TRERF1: variants seen among roughly 807,000 people sequenced by gnomAD.
TRERF1 encodes transcriptional-regulating factor 1.
A neutral mutation model predicts 122.9 loss-of-function variants in TRERF1; 27 were observed. That is an observed-to-expected ratio of 0.22 (90% CI 0.16 to 0.30). The LOEUF is 0.30. Ranked by LOEUF, TRERF1 falls within the 10% of genes least tolerant of loss-of-function variation. TRERF1 has a pLI of 1.00. For synonymous variants in TRERF1, 636 were observed against 641.7 expected, an observed-to-expected ratio of 0.99 and a Z score of 0.13; for missense variants, 1,248 against 1,560.3, an observed-to-expected ratio of 0.80 and a Z score of 3.37.
intron 2 of TRERF1, among the ~76,000 whole-genome samples, chr6:42,420,837 A>C (rs1175126401): frequency 6.6e-6 from 1 of 151,942 alleles, no homozygotes; most frequent in Non-Finnish European, 1.5e-5. Context: ...CCAATCTCCC[A>C]CTGAGGTAGA....
intron 2 of TRERF1, among the ~76,000 whole-genome samples, chr6:42,394,285 T>C (rs1343592492): frequency 6.6e-6 from 1 of 151,742 alleles, no homozygotes; most frequent in Non-Finnish European, 1.5e-5. Context: ...CTCCATACCA[T>C]CCCCGTGCCT....
chr6:42,360,770 T>TAAAAAAAAAAAAAAAA lies in TRERF1; in HGVS notation c.-371+2226_-371+2227insTTTTTTTTTTTTTTTT, dbSNP rs1491517636. Among the ~76,000 whole-genome samples the TAAAAAAAAAAAAAAAA allele has an allele frequency of 1.1e-4, 7 of 64,046 alleles. 1 individual carries two copies. The highest frequency in any genetic ancestry group is 3.2e-4 in the African/African-American group (7 of 21,586). 42.0% of individuals were successfully genotyped at this position (64,046 alleles called of 152,430 possible). A position where few individuals can be genotyped will look rare whatever the true frequency, so the allele number is the denominator to read the frequency against. ...ACCCAGGGAGGAAGGAGTGGAGAGA[T>TAAAAAAAAAAAAAAAA]TAAAAAAAAAAAAAAAAAAAAAAAA... On this transcript the variant is annotated intron_variant, in intron 3 of 17. Coordinates refer to ENST00000372922, the Ensembl canonical transcript of TRERF1.
In TRERF1 at chr6:42,421,493, G is replaced by A. The variant is rs528983559; in HGVS notation, c.-454+29684C>T. Among the ~76,000 whole-genome samples, 5 of 151,890 alleles carry A rather than the reference G, an allele frequency of 3.3e-5. No individual in the cohort carries two copies. The South Asian group carries it at 1.0e-3, about 32-fold the overall frequency. ...TCCTTTTTAAAAACTGCTGGTCTTG[G>A]CTGGGCACAGTGGCTCACTCCTGTA... On this transcript the variant is annotated intron_variant, in intron 2 of 17. Coordinates refer to ENST00000372922, the Ensembl canonical transcript of TRERF1.
chr6:42,413,387 G>A (rs182279767), intron 2 of TRERF1, among the ~76,000 whole-genome samples: 110 of 150,522 alleles, frequency 7.3e-4, no homozygotes, highest in Non-Finnish European at 1.5e-3. Context: ...GGTTAGAAAC[G>A]CATCTGGGGC....
At position 42,259,239 on chromosome 6, in the gene TRERF1, C is replaced by A; in HGVS notation, c.2269+100G>T. 1 of 1,420,880 alleles carries A rather than the reference C, an allele frequency of 7.0e-7. No individual in the cohort carries two copies. The highest frequency in any genetic ancestry group is 9.2e-7 in the Non-Finnish European group (1 of 1,089,480). 88.0% of individuals were successfully genotyped at this position (1,420,880 alleles called of 1,614,324 possible). A position where few individuals can be genotyped will look rare whatever the true frequency, so the allele number is the denominator to read the frequency against. ...CGTGCTACATACAGCCAATACTCCG[C>A]AAAAGTCTGTGGGATAAATGAGAAA... On this transcript the variant is annotated intron_variant, in intron 9 of 17. Transcript: ENST00000372922. The surrounding 1 kb of genome is among the most constrained non-coding windows in gnomAD (Gnocchi z 4.9).
chr6:42,442,115 C>A (rs1351470582), intron 2 of TRERF1, among the ~76,000 whole-genome samples: 1 of 152,126 alleles, frequency 6.6e-6, no homozygotes, highest in African/African-American at 2.4e-5. Context: ...CGAACTCAAG[C>A]CCCAATACTT....
intron 2 of TRERF1, among the ~76,000 whole-genome samples, chr6:42,430,651 T>C (rs920958365): frequency 2.0e-5 from 3 of 152,044 alleles, no homozygotes; most frequent in Non-Finnish European, 4.4e-5. Flanking sequence ...ATCCCAGCAC[T>C]TTGGGAGGCC....
rs749047416 is a variant in TRERF1, at chr6:42,268,674, T to TGCTGTGGCGGCG, written c.905_916dup (p.Pro302_Gln305dup). The TGCTGTGGCGGCG allele has an allele frequency of 1.2e-6, 2 of 1,614,148 alleles. No homozygotes were observed. Among genetic ancestry groups the TGCTGTGGCGGCG allele is most frequent in the East Asian group, 4.5e-5 (2 of 44,890 alleles). ...CAGCTGTAGCTGCTGCGGCTGCTGCTGCTGTGGCGGCGGCTGTGGCTGTGA... is the reference window on the plus strand; with the variant it reads ...CAGCTGTAGCTGCTGCGGCTGCTGCTGCTGTGGCGGCGGCTGTGGCGGCGGCTGTGGCTGTGA... On this transcript the variant is annotated inframe_insertion, in exon 5 of 18. Coordinates refer to ENST00000372922, the Ensembl canonical transcript of TRERF1. This position sits in a 1 kb window ranked among gnomAD's most constrained non-coding sequence, Gnocchi z 4.4.
chr6:42,280,185 G>A (rs144252898), intron 4 of TRERF1, among the ~76,000 whole-genome samples: 267 of 152,156 alleles, frequency 1.8e-3, no homozygotes, highest in African/African-American at 6.1e-3. Flanking sequence ...AAGGGGGCTC[G>A]GACAAGCCAC....
chr6:42,377,319 A>G (rs1775075288), intron 2 of TRERF1, among the ~76,000 whole-genome samples: 1 of 152,202 alleles, frequency 6.6e-6, no homozygotes, highest in Non-Finnish European at 1.5e-5. Context: ...CCCCGTACCC[A>G]TTCGCAGTCA....
At chr6:42,315,902 T>C (rs1292877529) in intron 3 of TRERF1, among the ~76,000 whole-genome samples, 1 of 151,832 alleles carries the variant, frequency 6.6e-6, no homozygotes, top group Non-Finnish European at 1.5e-5. Context: ...GTGCTCTCCT[T>C]TCAGGGGAGA....
In TRERF1 at chr6:42,275,915, G is replaced by A. The variant is rs1041449526; in HGVS notation, c.-258-6067C>T. ...ACAGACCATATATAAATGAATGGGC[G>A]TGGCTGTGTTCCAATACAACTTTAT... On this transcript the variant is annotated intron_variant, in intron 4 of 17. Transcript: ENST00000372922. This position sits in a 1 kb window ranked among gnomAD's most constrained non-coding sequence, Gnocchi z 4.1. Among the ~76,000 whole-genome samples, 1 of 152,242 alleles carries A rather than the reference G, an allele frequency of 6.6e-6. No homozygotes were observed. Among genetic ancestry groups the A allele is most frequent in the Admixed American group, 6.5e-5 (1 of 15,292 alleles).
intron 2 of TRERF1, among the ~76,000 whole-genome samples, chr6:42,443,776 G>C (rs1786962625): frequency 6.6e-6 from 1 of 152,212 alleles, no homozygotes; most frequent in Admixed American, 6.5e-5. Flanking sequence ...ATAGAAGGCA[G>C]CTACACGTAG....
chr6:42,288,018 C>T (rs1783576479), intron 4 of TRERF1, among the ~76,000 whole-genome samples: 1 of 151,992 alleles, frequency 6.6e-6, no homozygotes, highest in Admixed American at 6.6e-5. Flanking sequence ...TGCTTGACAG[C>T]TCTTTTTCCC....
exon 18 of TRERF1, chr6:42,226,280 C>T (rs1183607514): frequency 1.3e-5 from 2 of 152,168 alleles, no homozygotes; most frequent in Non-Finnish European, 2.9e-5. Flanking sequence ...AGAGGCAATA[C>T]ATTTGCTTTA....
chr6:42,250,405 G>A (rs547026431), intron 13 of TRERF1, among the ~76,000 whole-genome samples: 1 of 152,074 alleles, frequency 6.6e-6, no homozygotes, highest in Non-Finnish European at 1.5e-5. Context: ...TCTGTAATCC[G>A]AAGTTAACGA....
intron 2 of TRERF1, among the ~76,000 whole-genome samples, chr6:42,390,651 C>T (rs1007315699): frequency 6.6e-6 from 1 of 152,122 alleles, no homozygotes; most frequent in Non-Finnish European, 1.5e-5. Flanking sequence ...CAGACAGGAC[C>T]GTACGAAAGA....
At chr6:42,346,449 G>C (rs1157792991) in intron 3 of TRERF1, among the ~76,000 whole-genome samples, 1 of 152,204 alleles carries the variant, frequency 6.6e-6, no homozygotes, top group Non-Finnish European at 1.5e-5. Context: ...ACCAGAGCCA[G>C]AGAGGAAGAG....
chr6:42,326,570 C>T (rs901208227), intron 3 of TRERF1, among the ~76,000 whole-genome samples: 1 of 152,194 alleles, frequency 6.6e-6, no homozygotes, highest in African/African-American at 2.4e-5. Context: ...TGGGGCCAGA[C>T]ACCCTGGCTT....
Sources: gnomAD v4.1 joint callset for allele counts (sites outside exome capture counted in the v4.1 genomes callset) on GRCh38, gnomAD v4.1.1 for gene constraint, Gnocchi (gnomAD v3.1) non-coding constraint, MANE v1.5 for transcripts, NCBI Gene and HGNC (gene_info 2026-07-23, HGNC 2026-07-21) for gene names.